IL1RAP: variants seen among roughly 807,000 people sequenced by gnomAD.
IL1RAP encodes the protein interleukin 1 receptor accessory protein, also known as interleukin-1 receptor accessory protein.
A neutral mutation model predicts 60.7 loss-of-function variants in IL1RAP; 35 were observed. The observed-to-expected ratio is 0.58, with a 90% CI of 0.44 to 0.76. The LOEUF is 0.76. Ranked by LOEUF, IL1RAP falls within the 30% of genes least tolerant of loss-of-function variation. The pLI, the probability that IL1RAP is intolerant of heterozygous loss-of-function variation, is 0.00. For missense variants in IL1RAP, 572 were observed against 693.9 expected (o/e 0.82, Z 1.97); for synonymous variants, 268 against 250.9 (o/e 1.07, Z -0.64).
chr3:190,627,407 A>G lies in IL1RAP; in HGVS notation c.860A>G (p.Lys287Arg). 1.9e-6 allele frequency: 3 copies of G among 1,613,788 alleles called. No individual in the cohort carries two copies. The highest frequency in any genetic ancestry group is 2.5e-6 in the Non-Finnish European group (3 of 1,179,848). Residue 287 changes from lysine (K) to arginine (R), a missense_variant, in exon 8 of 12, where the codon AAA becomes AGA. Transcript: ENST00000447382. ...RNEVWWTIDGKKPDDITIDVT... is the reference protein window; with the variant it reads ...RNEVWWTIDGRKPDDITIDVT... ...GAGGTTTGGTGGACCATTGATGGAAAAAAACCTGATGACATCACTATTGAT... is the reference window on the plus strand; with the variant it reads ...GAGGTTTGGTGGACCATTGATGGAAGAAAACCTGATGACATCACTATTGAT...
intron 4 of IL1RAP, among the ~76,000 whole-genome samples, chr3:190,607,839 A>G (rs1302646873): frequency 6.6e-6 from 1 of 152,050 alleles, no homozygotes; most frequent in African/African-American, 2.4e-5. Context: ...TCTTCTATTG[A>G]TTTTAATGTT....
downstream of IL1RAP, among the ~76,000 whole-genome samples, chr3:190,653,215 C>T (rs1423501269): frequency 1.3e-5 from 2 of 152,134 alleles, no homozygotes; most frequent in African/African-American, 4.8e-5. Flanking sequence ...ATTCAATAAA[C>T]ATTAGTCCAT....
intron 2 of IL1RAP, chr3:190,564,027 G>T: frequency 2.5e-6 from 1 of 399,492 alleles, no homozygotes; most frequent in South Asian, 3.7e-5. Flanking sequence ...TCTAGCCAAA[G>T]GATCTTAGTT....
At chr3:190,599,782 T>C (rs1428875292) in intron 3 of IL1RAP, among the ~76,000 whole-genome samples, 1 of 151,422 alleles carries the variant, frequency 6.6e-6, no homozygotes, top group Admixed American at 6.6e-5. Context: ...CTTCTAACTT[T>C]CTTATCTATT....
rs542131874 is a variant in IL1RAP at position 190,624,407 on chromosome 3, A to C, written c.775+992A>C. On this transcript the variant is annotated intron_variant, in intron 7 of 11. Transcript: ENST00000447382. ...GCCTTTGTGCAAGATAGTGGTGCTC[A>C]GAGTCTTTGTACTAGTTTTTATAAT... Among the ~76,000 whole-genome samples, 53 of 152,342 alleles carry C rather than the reference A, an allele frequency of 3.5e-4. No homozygotes were observed. In the South Asian group the frequency reaches 0.011, roughly 30 times the overall value.
At chr3:190,557,020 C>T (rs1725487910) in intron 2 of IL1RAP, among the ~76,000 whole-genome samples, 2 of 152,162 alleles carry the variant, frequency 1.3e-5, no homozygotes, top group Non-Finnish European at 2.9e-5. Context: ...TCAAATTGTC[C>T]TCTGGAGAGA....
intron 1 of IL1RAP, among the ~76,000 whole-genome samples, chr3:190,543,635 G>A (rs1724128870): frequency 6.6e-6 from 1 of 152,142 alleles, no homozygotes; most frequent in Non-Finnish European, 1.5e-5. Context: ...GTGTACACTT[G>A]GAGAGGGTAA....
chr3:190,529,947 G>A (rs1034762030), intron 1 of IL1RAP, among the ~76,000 whole-genome samples: 4 of 151,924 alleles, frequency 2.6e-5, no homozygotes, highest in African/African-American at 9.7e-5. Flanking sequence ...CAGCAACAAC[G>A]TATGTGAGTT....
intron 3 of IL1RAP, among the ~76,000 whole-genome samples, chr3:190,573,585 T>A (rs1727190723): frequency 6.6e-6 from 1 of 152,210 alleles, no homozygotes. Context: ...ACGGGGTTGG[T>A]TGTTTTATTA....
chr3:190,529,844 C>T (rs538470756), intron 1 of IL1RAP, among the ~76,000 whole-genome samples: 5 of 139,898 alleles, frequency 3.6e-5, no homozygotes, highest in Non-Finnish European at 3.0e-5. Context: ...GGCAACAGAG[C>T]GAGACTCTGA....
chr3:190,611,269 G>A (rs1238208438), intron 5 of IL1RAP, among the ~76,000 whole-genome samples: 1 of 152,154 alleles, frequency 6.6e-6, no homozygotes, highest in Non-Finnish European at 1.5e-5. Flanking sequence ...ATTACATATT[G>A]ATTCATATTA....
At position 190,632,316 on chromosome 3, in the gene IL1RAP, T is replaced by C. The variant is rs373638044; in HGVS notation, c.1051+2818T>C. On this transcript the variant is annotated intron_variant, in intron 9 of 11. Coordinates refer to ENST00000447382, the MANE Select transcript of IL1RAP (RefSeq NM_002182.4). Reference sequence around the variant, plus strand: ...CTGATGGATGCATAGTTTTATTACATTGTGCTTTAAATTTGCATTTATTGG... The same window carrying C: ...CTGATGGATGCATAGTTTTATTACACTGTGCTTTAAATTTGCATTTATTGG... 2.6e-3 allele frequency among the ~76,000 whole-genome samples: 389 copies of C among 152,334 alleles called. 1 individual carries two copies. Among genetic ancestry groups the C allele is most frequent in the African/African-American group, 8.5e-3 (352 of 41,578 alleles).
intron 9 of IL1RAP, among the ~76,000 whole-genome samples, chr3:190,637,833 G>GTTT (rs372264613): frequency 6.7e-6 from 1 of 148,734 alleles, no homozygotes; most frequent in African/African-American, 2.5e-5. Flanking sequence ...TTTTAGAATA[G>GTTT]TTTTTTTTTT....
intron 3 of IL1RAP, among the ~76,000 whole-genome samples, chr3:190,584,120 CAGAT>C (rs775482257): frequency 6.6e-6 from 1 of 152,196 alleles, no homozygotes; most frequent in Non-Finnish European, 1.5e-5. Flanking sequence ...TCCAGAATAT[CAGAT>C]AGATAGAATT....
intron 9 of IL1RAP, among the ~76,000 whole-genome samples, chr3:190,641,114 C>T (rs138631141): frequency 0.012 from 1,855 of 152,178 alleles, 36 homozygotes; most frequent in African/African-American, 0.042. Context: ...TACAGGCATG[C>T]GCCACCACAC....
intron 3 of IL1RAP, among the ~76,000 whole-genome samples, chr3:190,599,736 G>C (rs1429221643): frequency 2.0e-5 from 3 of 148,586 alleles, no homozygotes; most frequent in African/African-American, 7.4e-5. Flanking sequence ...GGTGCAGAGA[G>C]TTCTCTTATT....
intron 1 of IL1RAP, among the ~76,000 whole-genome samples, chr3:190,526,651 G>A (rs1722537835): frequency 1.3e-5 from 2 of 152,134 alleles, no homozygotes; most frequent in African/African-American, 4.8e-5. Flanking sequence ...GCCATTGTGA[G>A]GATTACATGA....
intron 9 of IL1RAP, among the ~76,000 whole-genome samples, chr3:190,637,291 G>A (rs1398038978): frequency 1.3e-5 from 2 of 151,874 alleles, no homozygotes; most frequent in Non-Finnish European, 2.9e-5. Flanking sequence ...TACATCTGCT[G>A]GTGACAAATT....
rs567478803 is a variant in IL1RAP at position 190,542,693 on chromosome 3, A to G, written c.-88-13437A>G. Among the ~76,000 whole-genome samples the G allele has an allele frequency of 2.0e-5, 3 of 152,080 alleles. No homozygotes were observed. In the South Asian group the frequency reaches 6.2e-4, roughly 32 times the overall value. On this transcript the variant is annotated intron_variant, in intron 1 of 11. Coordinates refer to ENST00000447382, the MANE Select transcript of IL1RAP (RefSeq NM_002182.4). ...GTATCTTCTTCTCCTTACCCAAATT[A>G]TGCTTCCAGTTTAAAAACTCCAGAT...
Sources: allele counts gnomAD v4.1 joint callset (sites outside exome capture counted in the v4.1 genomes callset), GRCh38; gene constraint gnomAD v4.1.1; transcripts MANE v1.5; gene names NCBI Gene and HGNC (gene_info 2026-07-23, HGNC 2026-07-21).